The following BBOX1 variants were observed in gnomAD, a reference collection of about 807,000 sequenced individuals.
The protein encoded by BBOX1 is gamma-butyrobetaine hydroxylase 1.
A neutral mutation model predicts 41.6 loss-of-function variants in BBOX1; 35 were observed. The observed-to-expected ratio is 0.84, with a 90% CI of 0.64 to 1.11. The LOEUF (loss-of-function observed/expected upper bound fraction) is 1.11. Ranked by LOEUF, BBOX1 falls within the 50% of genes most tolerant of loss-of-function variation. BBOX1 has a pLI of 0.00. For missense variants in BBOX1, 458 were observed against 460.6 expected, an observed-to-expected ratio of 0.99 and a Z score of 0.05; for synonymous variants, 163 against 154.7, an observed-to-expected ratio of 1.05 and a Z score of -0.40.
At chr11:27,102,385 C>A (rs976958693) in intron 5 of BBOX1, among the ~76,000 whole-genome samples, 1 of 152,056 alleles carries the variant, frequency 6.6e-6, no homozygotes, top group Non-Finnish European at 1.5e-5. Context: ...TATCATAAGG[C>A]AAACACCCTT....
intron 2 of BBOX1, among the ~76,000 whole-genome samples, chr11:27,049,457 C>G (rs1851601753): frequency 6.6e-6 from 1 of 151,920 alleles, no homozygotes; most frequent in African/African-American, 2.4e-5. Flanking sequence ...TCTATGTTGG[C>G]CACGTTGGCC....
In BBOX1 at chr11:27,127,609, T is replaced by C; in HGVS notation, c.*156T>C. On this transcript the variant is annotated 3_prime_UTR_variant, in exon 9 of 9. Transcript: ENST00000263182. ...AAGAGTACTCTTTACTTTGTAATCATATACAATGTCAACTTTTTAGATGTT... is the reference window on the plus strand; with the variant it reads ...AAGAGTACTCTTTACTTTGTAATCACATACAATGTCAACTTTTTAGATGTT... The C allele has an allele frequency of 1.2e-6, 1 of 844,662 alleles. No individual in the cohort carries two copies. Among genetic ancestry groups the C allele is most frequent in the Non-Finnish European group, 1.7e-6 (1 of 574,138 alleles). The allele number at this position is 844,662 out of a possible 1,614,324, so 52.3% of individuals were successfully genotyped here.
intron 4 of BBOX1, among the ~76,000 whole-genome samples, chr11:27,067,541 C>A (rs954100948): frequency 6.6e-6 from 1 of 151,854 alleles, no homozygotes; most frequent in African/African-American, 2.4e-5. Flanking sequence ...TTGAGCCTGA[C>A]CAATATGGTG....
chr11:27,088,039 A>G (rs1053170042), intron 4 of BBOX1, among the ~76,000 whole-genome samples: 5 of 152,064 alleles, frequency 3.3e-5, no homozygotes, highest in Admixed American at 6.6e-5. Context: ...TTTTTAAAGA[A>G]TATAAATCTT....
chr11:27,088,996 A>G (rs1858140666), intron 4 of BBOX1, among the ~76,000 whole-genome samples: 1 of 151,992 alleles, frequency 6.6e-6, no homozygotes, highest in African/African-American at 2.4e-5. Flanking sequence ...CATGGTCATA[A>G]AAGATCTGCA....
chr11:27,075,374 A>G (rs1398041277), intron 4 of BBOX1, among the ~76,000 whole-genome samples: 3 of 152,104 alleles, frequency 2.0e-5, no homozygotes, highest in Non-Finnish European at 4.4e-5. Flanking sequence ...TCATTCCCCA[A>G]TGGTATGCAC....
intron 7 of BBOX1, 152 bp downstream of exon 7, chr11:27,119,997 C>A: frequency 2.0e-6 from 1 of 498,866 alleles, no homozygotes; most frequent in Non-Finnish European, 3.3e-6. Context: ...AGTATTTTCA[C>A]CATAAAAGTT....
At chr11:27,112,864 C>G (rs1859120448) in intron 5 of BBOX1, among the ~76,000 whole-genome samples, 1 of 151,880 alleles carries the variant, frequency 6.6e-6, no homozygotes, top group East Asian at 1.9e-4. Context: ...ACAAAGTGAA[C>G]AGACAACATA....
chr11:27,105,344 A>G (rs1174453430), intron 5 of BBOX1, among the ~76,000 whole-genome samples: 2 of 152,176 alleles, frequency 1.3e-5, no homozygotes, highest in South Asian at 2.1e-4. Context: ...AAAAACCTTG[A>G]AAAAAGATTA....
At chr11:27,049,059 C>G (rs1244966596) in intron 2 of BBOX1, among the ~76,000 whole-genome samples, 1 of 151,716 alleles carries the variant, frequency 6.6e-6, no homozygotes, top group Non-Finnish European at 1.5e-5. Context: ...CATCCATGTC[C>G]CTACAAAAGA....
intron 2 of BBOX1, among the ~76,000 whole-genome samples, chr11:27,044,776 T>C (rs2351065): frequency 1 from 151,848 of 152,250 alleles, 75,727 homozygotes; most frequent in East Asian, 1. Flanking sequence ...GGCCTCTGTT[T>C]TGTTCCATTG....
At chr11:27,124,905 A>C (rs895718529) in intron 7 of BBOX1, among the ~76,000 whole-genome samples, 8 of 152,222 alleles carry the variant, frequency 5.3e-5, no homozygotes, top group African/African-American at 1.7e-4. Context: ...TAGAGATCAC[A>C]ACATTAAGAG....
chr11:27,085,302 A>G (rs1857992357), intron 4 of BBOX1, among the ~76,000 whole-genome samples: 1 of 152,164 alleles, frequency 6.6e-6, no homozygotes, highest in Admixed American at 6.5e-5. Context: ...TTGTAGCAAC[A>G]CGCAAGCAAG....
At chr11:27,101,347 C>G (rs1365765123) in intron 5 of BBOX1, among the ~76,000 whole-genome samples, 1 of 152,088 alleles carries the variant, frequency 6.6e-6, no homozygotes, top group Non-Finnish European at 1.5e-5. Context: ...AATACAGAAT[C>G]AGAAAACATT....
rs185892225 is a variant in BBOX1, at chr11:27,094,408, T to C, written c.533+1042T>C. On this transcript the variant is annotated intron_variant, in intron 5 of 8. Transcript: ENST00000263182. ...GAAGCACACGAGCTGTATTCAGATG[T>C]TTGGTTTGGCCCACATGATGTTGAA... Among the ~76,000 whole-genome samples, 7 of 152,044 alleles carry C rather than the reference T, an allele frequency of 4.6e-5. No homozygotes were observed. The East Asian group carries it at 1.4e-3, about 30-fold the overall frequency.
intron 2 of BBOX1, among the ~76,000 whole-genome samples, chr11:27,043,326 G>A (rs1211525074): frequency 2.0e-5 from 3 of 151,202 alleles, no homozygotes; most frequent in Non-Finnish European, 4.4e-5. Flanking sequence ...GCCTCCCAAA[G>A]TGCTGGGATT....
At chr11:27,086,139 G>A (rs1377702528) in intron 4 of BBOX1, among the ~76,000 whole-genome samples, 1 of 152,124 alleles carries the variant, frequency 6.6e-6, no homozygotes, top group Non-Finnish European at 1.5e-5. Context: ...AGAAGCTGCA[G>A]CAAGTGATCT....
At chr11:27,059,806 C>T (rs1376334581) in intron 4 of BBOX1, among the ~76,000 whole-genome samples, 3 of 152,160 alleles carry the variant, frequency 2.0e-5, no homozygotes, top group Non-Finnish European at 4.4e-5. Flanking sequence ...CCTGTACTCC[C>T]CTTTCTTTTG....
intron 4 of BBOX1, among the ~76,000 whole-genome samples, chr11:27,070,718 T>C (rs1857418991): frequency 6.6e-6 from 1 of 151,722 alleles, no homozygotes. Flanking sequence ...TTTTTTTTTT[T>C]TTTTTTTTGG....
Sources: gnomAD v4.1 joint callset for allele counts (sites outside exome capture counted in the v4.1 genomes callset) on GRCh38, gnomAD v4.1.1 for gene constraint, MANE v1.5 for transcripts, NCBI Gene and HGNC (gene_info 2026-07-23, HGNC 2026-07-21) for gene names.